The following SEMA3E variants were observed in gnomAD, a reference collection of about 807,000 sequenced individuals.
SEMA3E encodes the protein semaphorin-3E.
SEMA3E carries 49 observed loss-of-function variants against 93.6 expected under a neutral mutation model. The ratio of observed to expected loss-of-function variants is 0.52; its 90% CI spans 0.42 to 0.66. The LOEUF (loss-of-function observed/expected upper bound fraction) is 0.66, where lower values mean the gene tolerates loss of function less well. Among genes scored for constraint, SEMA3E ranks in the 30% least tolerant of loss-of-function variants. The pLI is 0.00. For missense variants in SEMA3E, 906 were observed against 964.8 expected (o/e 0.94, Z 0.81); for synonymous variants, 363 against 330.7 (o/e 1.10, Z -1.06).
At chr7:83,404,285 T>G (rs1321525364) in intron 9 of SEMA3E, among the ~76,000 whole-genome samples, 1 of 151,950 alleles carries the variant, frequency 6.6e-6, no homozygotes, top group Non-Finnish European at 1.5e-5. Context: ...GATTCTTGTC[T>G]AAAGAGATGT....
chr7:83,490,425 C>T, intron 1 of SEMA3E, 151 bp from the exon 2 acceptor site: 2 of 720,730 alleles, frequency 2.8e-6, no homozygotes, highest in Non-Finnish European at 4.6e-6. Context: ...TTTTAATGTG[C>T]ACAAGTTAAA....
intron 4 of SEMA3E, among the ~76,000 whole-genome samples, chr7:83,459,607 A>G (rs1789566971): frequency 6.6e-6 from 1 of 152,126 alleles, no homozygotes; most frequent in South Asian, 2.1e-4. Flanking sequence ...ATACACTATG[A>G]TGTATTTTGG....
At chr7:83,581,282 A>G (rs1394107041) in intron 1 of SEMA3E, among the ~76,000 whole-genome samples, 1 of 151,938 alleles carries the variant, frequency 6.6e-6, no homozygotes. Flanking sequence ...ATTACAAACC[A>G]TTTTTTAAAT....
chr7:83,516,745 G>T (rs1460301239), intron 1 of SEMA3E, among the ~76,000 whole-genome samples: 2 of 152,088 alleles, frequency 1.3e-5, no homozygotes, highest in African/African-American at 4.8e-5. Flanking sequence ...GTGTGTTGAA[G>T]TAGTAGCAGA....
intron 1 of SEMA3E, among the ~76,000 whole-genome samples, chr7:83,507,369 C>A (rs1410730708): frequency 6.6e-6 from 1 of 150,826 alleles, no homozygotes; most frequent in Non-Finnish European, 1.5e-5. Context: ...TGATATAATT[C>A]TTCACAGTGC....
At chr7:83,643,065 AACTG>A (rs1794035151) in intron 1 of SEMA3E, among the ~76,000 whole-genome samples, 1 of 152,182 alleles carries the variant, frequency 6.6e-6, no homozygotes, top group African/African-American at 2.4e-5. Context: ...GATGAAATAA[AACTG>A]ACTGAGCAGA....
At chr7:83,607,817 G>C (rs1026483556) in intron 1 of SEMA3E, among the ~76,000 whole-genome samples, 1 of 152,136 alleles carries the variant, frequency 6.6e-6, no homozygotes, top group African/African-American at 2.4e-5. Context: ...ACAGTGGGAG[G>C]AGGAGCCTTG....
At chr7:83,478,134 G>A (rs898063039) in intron 2 of SEMA3E, among the ~76,000 whole-genome samples, 1 of 152,102 alleles carries the variant, frequency 6.6e-6, no homozygotes, top group African/African-American at 2.4e-5. Context: ...TGTTGGCAAG[G>A]CTGGTCTTGA....
intron 2 of SEMA3E, among the ~76,000 whole-genome samples, chr7:83,486,786 A>G (rs1265181420): frequency 6.6e-6 from 1 of 152,114 alleles, no homozygotes; most frequent in African/African-American, 2.4e-5. Context: ...ACCTGCCCAG[A>G]CTGGCACCTG....
rs1017885119 is a variant in SEMA3E, at chr7:83,408,400, C to A, written c.638G>T (p.Arg213Leu). ...FRSMGRLAHIRTEHDDERLLK... is the reference protein window; with the variant it reads ...FRSMGRLAHILTEHDDERLLK... ...CAGACGCTCATCGTCATGCTCAGTGCGGATATGGGCCAGTCGCCCCATGCT... is the reference window on the plus strand; with the variant it reads ...CAGACGCTCATCGTCATGCTCAGTGAGGATATGGGCCAGTCGCCCCATGCT... Residue 213 changes from arginine to leucine, a missense_variant, in exon 6 of 17, where the codon CGC (arginine) becomes CTC (leucine). Transcript: ENST00000643230. 1 of 1,613,770 alleles carries A rather than the reference C, an allele frequency of 6.2e-7. No individual in the cohort carries two copies. The highest frequency in any genetic ancestry group is 1.1e-5 in the South Asian group (1 of 91,080).
chr7:83,378,237 A>T (rs1787696066), intron 16 of SEMA3E, among the ~76,000 whole-genome samples: 1 of 151,980 alleles, frequency 6.6e-6, no homozygotes, highest in Non-Finnish European at 1.5e-5. Flanking sequence ...CATTATCCAC[A>T]TAAATGAATC....
chr7:83,403,697 C>T (rs1788273478), intron 9 of SEMA3E, among the ~76,000 whole-genome samples: 1 of 151,866 alleles, frequency 6.6e-6, no homozygotes, highest in African/African-American at 2.4e-5. Flanking sequence ...TTTCCTACAT[C>T]CTGAGACACC....
intron 15 of SEMA3E, 86 bp from the exon 16 acceptor site, chr7:83,385,519 A>G (rs1381488612): frequency 8.0e-7 from 1 of 1,252,528 alleles, no homozygotes; most frequent in African/African-American, 1.5e-5. Flanking sequence ...TCCCTGCAGT[A>G]ACATGATTAA....
intron 9 of SEMA3E, 90 bp downstream of exon 9, chr7:83,405,360 A>T (rs372191712): frequency 2.5e-5 from 23 of 915,430 alleles, no homozygotes; most frequent in African/African-American, 6.5e-5. Flanking sequence ...CTGGGTCAAT[A>T]GTCTTTCAAC....
At chr7:83,426,407 T>C (rs928988797) in intron 4 of SEMA3E, among the ~76,000 whole-genome samples, 5 of 144,808 alleles carry the variant, frequency 3.5e-5, no homozygotes, top group Admixed American at 6.9e-5. Context: ...AAAAATAAAA[T>C]AATTCCTTAG....
chr7:83,534,626 G>A lies in SEMA3E; in HGVS notation c.116-44352C>T, dbSNP rs531470209. On this transcript the variant is annotated intron_variant, in intron 1 of 16. Coordinates refer to ENST00000643230, the MANE Select transcript of SEMA3E (RefSeq NM_012431.3). ...TCTACAGGAAGAGTCAGTAAACTATGGCCCATGGGACAAAGCAGGTCTGTC... is the reference window on the plus strand; with the variant it reads ...TCTACAGGAAGAGTCAGTAAACTATAGCCCATGGGACAAAGCAGGTCTGTC... Among the ~76,000 whole-genome samples the A allele has an allele frequency of 2.0e-5, 3 of 152,192 alleles. No homozygotes were observed. The East Asian group carries it at 5.8e-4, about 29-fold the overall frequency.
intron 1 of SEMA3E, among the ~76,000 whole-genome samples, chr7:83,526,391 T>A (rs1393565506): frequency 6.6e-6 from 1 of 152,044 alleles, no homozygotes; most frequent in Non-Finnish European, 1.5e-5. Context: ...GAAAAAAAAA[T>A]TATTTCATTA....
At chr7:83,597,036 C>A (rs1584354427) in intron 1 of SEMA3E, among the ~76,000 whole-genome samples, 1 of 152,188 alleles carries the variant, frequency 6.6e-6, no homozygotes, top group Admixed American at 6.5e-5. Context: ...GACAGTTAGA[C>A]CAACGGAACC....
At chr7:83,647,552 T>G (rs118126619) in intron 1 of SEMA3E, among the ~76,000 whole-genome samples, 2,529 of 152,312 alleles carry the variant, frequency 0.017, 35 homozygotes, top group Non-Finnish European at 0.027. Flanking sequence ...CTGAGCATGG[T>G]TTTGTTTATT....
Sources: gnomAD v4.1 joint callset for allele counts (sites outside exome capture counted in the v4.1 genomes callset) on GRCh38, gnomAD v4.1.1 for gene constraint, MANE v1.5 for transcripts, NCBI Gene and HGNC (gene_info 2026-07-23, HGNC 2026-07-21) for gene names.